The following FOXJ2 variants were observed in gnomAD, a reference collection of about 807,000 sequenced individuals.
The protein encoded by FOXJ2 is forkhead box J2.
FOXJ2 carries 18 observed loss-of-function variants against 68.4 expected under a neutral mutation model. The observed-to-expected ratio is 0.26, with a 90% CI of 0.18 to 0.39. The LOEUF (loss-of-function observed/expected upper bound fraction) is 0.39. Among genes scored for constraint, FOXJ2 ranks in the 10% least tolerant of loss-of-function variants. The pLI is 1.00. For missense variants in FOXJ2, 670 were observed against 726.5 expected, an observed-to-expected ratio of 0.92 and a Z score of 0.89; for synonymous variants, 274 against 263.2, an observed-to-expected ratio of 1.04 and a Z score of -0.40.
rs777293182 is a variant in FOXJ2, at chr12:8,047,883, C to T, written c.819C>T (p.Gly273=). Residue 273 remains glycine, a splice_region_variant and synonymous_variant, in exon 7 of 11, where the codon GGC becomes GGT. Coordinates refer to ENST00000162391, the MANE Select transcript of FOXJ2 (RefSeq NM_018416.3). ...TGCCTGCTTCCTCCCCACCTGCAGG[C>T]TTTTCTTCTCTCCTGGGGGACATCC... ...LEKSSSSSQH[G]FSSLLGDIPP... is the part of the protein sequence containing the mutation. 8.3e-6 allele frequency: 13 copies of T among 1,570,688 alleles called. No homozygotes were observed. The Admixed American group carries it at 2.2e-4, about 26-fold the overall frequency.
rs1417189633 is a variant in FOXJ2, at chr12:8,052,932, T to TC, written c.*88dup. On this transcript the variant is annotated 3_prime_UTR_variant, in exon 11 of 11. Coordinates refer to ENST00000162391, the MANE Select transcript of FOXJ2 (RefSeq NM_018416.3). ...GAAAGAGCAACCCCAGCCCGTCCCT[T>TC]CCCCCCGTCTGTATATAGACATATA... The TC allele has an allele frequency of 1.4e-5, 15 of 1,045,932 alleles. No individual in the cohort carries two copies. The highest frequency in any genetic ancestry group is 9.5e-5 in the African/African-American group (6 of 63,214). 64.8% of individuals were successfully genotyped at this position (1,045,932 alleles called of 1,614,324 possible). A position where few individuals can be genotyped will look rare whatever the true frequency, so the allele number is the denominator to read the frequency against.
intron 8 of FOXJ2, 90 bp from the exon 9 acceptor site, chr12:8,049,272 A>G: frequency 1.1e-6 from 1 of 945,704 alleles, no homozygotes; most frequent in Non-Finnish European, 1.6e-6. Flanking sequence ...GGGGTGATTG[A>G]TGGTGTGTTT....
At chr12:8,051,569 G>A (rs1164520661) in intron 10 of FOXJ2, among the ~76,000 whole-genome samples, 3 of 152,222 alleles carry the variant, frequency 2.0e-5, no homozygotes, top group Non-Finnish European at 4.4e-5. Flanking sequence ...AAATGAATTT[G>A]TTATCCACAC....
chr12:8,048,861 G>C (rs992185403), intron 8 of FOXJ2, 63 bp downstream of exon 8: 8 of 1,335,768 alleles, frequency 6.0e-6, no homozygotes, highest in Non-Finnish European at 8.5e-6. Context: ...AGTAGAAACT[G>C]GAACCGGAAG....
rs1348530784 is a variant in FOXJ2 at position 8,032,827 on chromosome 12, G to A, written c.-1021G>A. 2 of 398,054 alleles carry A rather than the reference G, an allele frequency of 5.0e-6. No individual in the cohort carries two copies. Among genetic ancestry groups the A allele is most frequent in the South Asian group, 1.3e-4 (1 of 7,864 alleles). 24.7% of individuals were successfully genotyped at this position (398,054 alleles called of 1,614,324 possible). A position where few individuals can be genotyped will look rare whatever the true frequency, so the allele number is the denominator to read the frequency against. On this transcript the variant is annotated 5_prime_UTR_variant, in exon 1 of 11. Coordinates refer to ENST00000162391, the MANE Select transcript of FOXJ2 (RefSeq NM_018416.3). The surrounding 1 kb of genome is among the most constrained non-coding windows in gnomAD (Gnocchi z 4.8). ...GGAGCCCGAGCGGTGGCAGCGCGGG[G>A]AGCCCCACGCGCCGAAGGGAGCGGA...
rs1946855016 is a variant in FOXJ2 at position 8,032,974 on chromosome 12, C to T, written c.-874C>T. ...CAGGGACAGCCGGGAGTACGAAAGCCCCACCCTCTGGGGCACCCCGGGAGC... is the reference window on the plus strand; with the variant it reads ...CAGGGACAGCCGGGAGTACGAAAGCTCCACCCTCTGGGGCACCCCGGGAGC... On this transcript the variant is annotated 5_prime_UTR_variant, in exon 1 of 11. Transcript: ENST00000162391. The surrounding 1 kb of genome is among the most constrained non-coding windows in gnomAD (Gnocchi z 4.8). The T allele has an allele frequency of 2.5e-6, 1 of 395,816 alleles. No homozygotes were observed. Among genetic ancestry groups the T allele is most frequent in the Non-Finnish European group, 4.5e-6 (1 of 224,468 alleles). The allele number at this position is 395,816 out of a possible 1,614,324, so 24.5% of individuals were successfully genotyped here. A position where few individuals can be genotyped will look rare whatever the true frequency, so the allele number is the denominator to read the frequency against.
rs1024376668 is a variant in FOXJ2, at chr12:8,038,188, T to C, written c.-14-1631T>C. Among the ~76,000 whole-genome samples, 7 of 152,120 alleles carry C rather than the reference T, an allele frequency of 4.6e-5. No individual in the cohort carries two copies. The highest frequency in any genetic ancestry group is 1.0e-4 in the Non-Finnish European group (7 of 68,022). On this transcript the variant is annotated intron_variant, in intron 1 of 10. Transcript: ENST00000162391. This position sits in a 1 kb window ranked among gnomAD's most constrained non-coding sequence, Gnocchi z 5.3. ...ACTTGTGCACACATGCAGATTGCCATCTGCGTGGGTGGGACCTTGGGGAGA... is the reference window on the plus strand; with the variant it reads ...ACTTGTGCACACATGCAGATTGCCACCTGCGTGGGTGGGACCTTGGGGAGA...
Position 8,048,677 on chromosome 12 carries a change from CT to C in FOXJ2, c.1226-17del, listed in dbSNP as rs1565630569. ...ACACTTCACTCTATCTTATTATCCACTTTCCCCTCCTCTTTACAGCCTTTCC... is the reference window on the plus strand; with the variant it reads ...ACACTTCACTCTATCTTATTATCCACTTCCCCTCCTCTTTACAGCCTTTCC... On this transcript the variant is annotated intron_variant, in intron 7 of 10. Transcript: ENST00000162391. 5 of 1,602,528 alleles carry C rather than the reference CT, an allele frequency of 3.1e-6. No homozygotes were observed. In the South Asian group the frequency reaches 5.5e-5, roughly 18 times the overall value.
rs746486444 is a variant in FOXJ2, at chr12:8,035,615, G to C, written c.-15+1782G>C. Among the ~76,000 whole-genome samples the C allele has an allele frequency of 2.0e-5, 3 of 152,272 alleles. No individual in the cohort carries two copies. The highest frequency in any genetic ancestry group is 6.5e-5 in the Admixed American group (1 of 15,296). On this transcript the variant is annotated intron_variant, in intron 1 of 10. Coordinates refer to ENST00000162391, the MANE Select transcript of FOXJ2 (RefSeq NM_018416.3). The surrounding 1 kb of genome is among the most constrained non-coding windows in gnomAD (Gnocchi z 4.0). ...ACCAGATGCTGGCGTGCACCTGCCT[G>C]AATGGCTCAGGGTGAACTATATCAC...
At chr12:8,047,160 A>G (rs12304020) in intron 6 of FOXJ2, among the ~76,000 whole-genome samples, 45,457 of 151,912 alleles carry the variant, frequency 0.3, 7,769 homozygotes, top group Non-Finnish European at 0.39. Flanking sequence ...CAGAGTGTAG[A>G]GAAAATAAGG....
rs1214044508 is a variant in FOXJ2 at position 8,046,213 on chromosome 12, G to T, written c.817+1255G>T. 2.6e-5 allele frequency among the ~76,000 whole-genome samples: 4 copies of T among 152,292 alleles called. No homozygotes were observed. The East Asian group carries it at 7.7e-4, about 29-fold the overall frequency. ...GGGGGCAGCAGCAGTACCCTCTCCT[G>T]AAGAATCCCTGCGTTTCATTGTGAG... On this transcript the variant is annotated intron_variant, in intron 6 of 10. Coordinates refer to ENST00000162391, the MANE Select transcript of FOXJ2 (RefSeq NM_018416.3).
chr12:8,045,861 G>A (rs1481214173), intron 6 of FOXJ2, among the ~76,000 whole-genome samples: 3 of 151,476 alleles, frequency 2.0e-5, no homozygotes, highest in Non-Finnish European at 2.9e-5. Context: ...GTTTCACCAC[G>A]TTGGCCAGGC....
rs1565629249 is a variant in FOXJ2, at chr12:8,044,830, C to T, written c.689C>T (p.Pro230Leu). ...ASGRESAEGP[P>L]PLYNTNHDFK... ...GGCCGAGAAAGTGCTGAGGGTCCCC[C>T]TCCCCTCTATAACACCAACCATGAC... The change falls in exon 6 of 11, where the codon CCT becomes CTT. Residue 230 changes from proline to leucine, a missense_variant. Coordinates refer to ENST00000162391, the MANE Select transcript of FOXJ2 (RefSeq NM_018416.3). The T allele has an allele frequency of 1.2e-6, 2 of 1,613,986 alleles. No homozygotes were observed. Among genetic ancestry groups the T allele is most frequent in the South Asian group, 1.1e-5 (1 of 91,074 alleles).
In FOXJ2 at chr12:8,048,042, C is replaced by A. The variant is rs1947063360; in HGVS notation, c.978C>A (p.Gly326=). 2 of 1,613,430 alleles carry A rather than the reference C, an allele frequency of 1.2e-6. No homozygotes were observed. Among genetic ancestry groups the A allele is most frequent in the South Asian group, 1.1e-5 (1 of 91,018 alleles). The change falls in exon 7 of 11, where the codon GGC becomes GGA. Residue 326 remains glycine, a synonymous_variant. Transcript: ENST00000162391. ...AGCAGCAGCAGGCACCTGCCCAGGG[C>A]CCCTCAGCTGTAGGGGGTGCTCCTC... ...QPQQQQAPAQ[G]PSAVGGAPPL...
intron 8 of FOXJ2, among the ~76,000 whole-genome samples, chr12:8,049,008 T>C (rs1947078329): frequency 6.6e-6 from 1 of 152,230 alleles, no homozygotes; most frequent in Non-Finnish European, 1.5e-5. Context: ...CAGTGAATAA[T>C]CCTAGTCCAT....
chr12:8,040,411 C>CA lies in FOXJ2; in HGVS notation c.333+247dup, dbSNP rs2121327336. Among the ~76,000 whole-genome samples, 1 of 151,912 alleles carries CA rather than the reference C, an allele frequency of 6.6e-6. No individual in the cohort carries two copies. The highest frequency in any genetic ancestry group is 6.6e-5 in the Admixed American group (1 of 15,234). ...GGGATGGCAGGACGCTGTTGCTCAT[C>CA]ACACCCTCTTATCTTCTTTTTTTTT... is the stretch of plus-strand genomic sequence containing the variant. On this transcript the variant is annotated intron_variant, in intron 2 of 10. Coordinates refer to ENST00000162391, the MANE Select transcript of FOXJ2 (RefSeq NM_018416.3). This position sits in a 1 kb window ranked among gnomAD's most constrained non-coding sequence, Gnocchi z 4.0.
At chr12:8,036,677 C>T (rs1013950767) in intron 1 of FOXJ2, among the ~76,000 whole-genome samples, 2 of 152,142 alleles carry the variant, frequency 1.3e-5, no homozygotes, top group African/African-American at 2.4e-5. Context: ...TTTTGGGGAG[C>T]GTGGAATGTG....
intron 10 of FOXJ2, among the ~76,000 whole-genome samples, chr12:8,052,439 C>T (rs143350232): frequency 0.021 from 3,244 of 152,046 alleles, 110 homozygotes; most frequent in African/African-American, 0.073. Context: ...AGGCTGGTCT[C>T]GAATTCCTGA....
chr12:8,044,083 T>C lies in FOXJ2; in HGVS notation c.610T>C (p.Tyr204His). 1 of 1,535,738 alleles carries C rather than the reference T, an allele frequency of 6.5e-7. No individual in the cohort carries two copies. Among genetic ancestry groups the C allele is most frequent in the Non-Finnish European group, 8.7e-7 (1 of 1,144,300 alleles). ...TCAGAGCCCCACATCTATAGCCAGC[T>C]ACAGCCAGGTAGGAAGCAGATATGG... ...SLQSPTSIAS[Y>H]SQGTGSVDGG... The change falls in exon 5 of 11, where the codon TAC becomes CAC. Residue 204 changes from tyrosine to histidine, a missense_variant. Coordinates refer to ENST00000162391, the MANE Select transcript of FOXJ2 (RefSeq NM_018416.3).
Sources: allele counts gnomAD v4.1 joint callset (sites outside exome capture counted in the v4.1 genomes callset), GRCh38; gene constraint gnomAD v4.1.1; non-coding constraint Gnocchi (gnomAD v3.1); transcripts MANE v1.5; gene names NCBI Gene and HGNC (gene_info 2026-07-23, HGNC 2026-07-21).